The following HS3ST5 variants were observed in gnomAD, a reference collection of about 807,000 sequenced individuals.
HS3ST5 encodes heparan sulfate-glucosamine 3-sulfotransferase 5.
A neutral mutation model predicts 25.4 loss-of-function variants in HS3ST5; 10 were observed. The observed-to-expected ratio is 0.39, with a 90% CI of 0.24 to 0.67. The LOEUF (loss-of-function observed/expected upper bound fraction) is 0.67. Ranked by LOEUF, HS3ST5 falls within the 30% of genes least tolerant of loss-of-function variation. HS3ST5 has a pLI of 0.44. For missense variants in HS3ST5, 324 were observed against 420.7 expected, an observed-to-expected ratio of 0.77 and a Z score of 2.01; for synonymous variants, 170 against 162.4, an observed-to-expected ratio of 1.05 and a Z score of -0.36.
chr6:114,288,679 T>C (rs1201814279), intron 1 of HS3ST5, among the ~76,000 whole-genome samples: 1 of 151,598 alleles, frequency 6.6e-6, no homozygotes, highest in African/African-American at 2.4e-5. Context: ...CTACTAAAGG[T>C]TTCATGAAGA....
At chr6:114,137,056 C>G (rs1352589644) in intron 3 of HS3ST5, among the ~76,000 whole-genome samples, 1 of 151,882 alleles carries the variant, frequency 6.6e-6, no homozygotes, top group African/African-American at 2.4e-5. Context: ...TGTTTTTTTC[C>G]TAAATGGATA....
In HS3ST5 at chr6:114,147,334, T is replaced by C. The variant is rs112565070; in HGVS notation, c.-33+21017A>G. ...TGTGGCCATGTGACTGAATTCTCAC[T>C]GATAGAACGTGAGCTGAAGTGATGT... On this transcript the variant is annotated intron_variant, in intron 3 of 4. Coordinates refer to ENST00000312719, the MANE Select transcript of HS3ST5 (RefSeq NM_153612.4). Among the ~76,000 whole-genome samples the C allele has an allele frequency of 7.5e-4, 114 of 152,292 alleles. 4 individuals carry two copies. Among genetic ancestry groups the C allele is most frequent in the African/African-American group, 2.6e-3 (107 of 41,552 alleles).
intron 1 of HS3ST5, among the ~76,000 whole-genome samples, chr6:114,296,530 T>C (rs1774830565): frequency 6.6e-6 from 1 of 152,220 alleles, no homozygotes; most frequent in South Asian, 2.1e-4. Context: ...AAATTAGTAA[T>C]AGGATTTCTA....
chr6:114,138,796 G>A (rs1777762031), intron 3 of HS3ST5, among the ~76,000 whole-genome samples: 1 of 152,152 alleles, frequency 6.6e-6, no homozygotes, highest in African/African-American at 2.4e-5. Context: ...AAATAATGTG[G>A]ACTGGGTAGC....
At chr6:114,172,617 C>T (rs1779524880) in intron 2 of HS3ST5, among the ~76,000 whole-genome samples, 2 of 152,292 alleles carry the variant, frequency 1.3e-5, no homozygotes, top group Middle Eastern at 3.4e-3. Context: ...TTTCCAGCTA[C>T]CATCTTCCCC....
intron 1 of HS3ST5, among the ~76,000 whole-genome samples, chr6:114,290,594 T>C (rs770333409): frequency 2.8e-4 from 42 of 152,140 alleles, no homozygotes; most frequent in Non-Finnish European, 5.6e-4. Flanking sequence ...TCACCAGCCT[T>C]GTCCTAGGAG....
At chr6:114,139,839 T>G (rs749814342) in intron 3 of HS3ST5, among the ~76,000 whole-genome samples, 10 of 152,220 alleles carry the variant, frequency 6.6e-5, no homozygotes, top group Non-Finnish European at 1.0e-4. Flanking sequence ...AGAAGCCATA[T>G]TTGATTTTAA....
intron 2 of HS3ST5, among the ~76,000 whole-genome samples, chr6:114,204,484 C>T (rs1162468954): frequency 1.3e-5 from 2 of 152,132 alleles, no homozygotes; most frequent in Non-Finnish European, 2.9e-5. Flanking sequence ...TTCATATCTT[C>T]AAAATAATAC....
intron 3 of HS3ST5, among the ~76,000 whole-genome samples, chr6:114,119,906 G>A (rs1313592944): frequency 6.6e-6 from 1 of 152,168 alleles, no homozygotes; most frequent in Non-Finnish European, 1.5e-5. Context: ...CAGCACTTTG[G>A]GAGGCCAAGG....
intron 3 of HS3ST5, among the ~76,000 whole-genome samples, chr6:114,073,553 G>C (rs904493177): frequency 1.3e-5 from 2 of 152,160 alleles, no homozygotes; most frequent in Non-Finnish European, 2.9e-5. Context: ...CGTCATCACT[G>C]GTTATCAGAG....
intron 3 of HS3ST5, among the ~76,000 whole-genome samples, chr6:114,085,509 A>G (rs1200011225): frequency 6.6e-6 from 1 of 152,184 alleles, no homozygotes. Context: ...TCATTCTTAC[A>G]TTGGCAGTAT....
At chr6:114,236,165 T>G (rs1771845443) in intron 1 of HS3ST5, among the ~76,000 whole-genome samples, 1 of 152,204 alleles carries the variant, frequency 6.6e-6, no homozygotes, top group Non-Finnish European at 1.5e-5. Flanking sequence ...TCTGTGGTCC[T>G]ACTATGGGCA....
At chr6:114,086,067 A>T (rs1383471663) in intron 3 of HS3ST5, among the ~76,000 whole-genome samples, 1 of 152,024 alleles carries the variant, frequency 6.6e-6, no homozygotes, top group African/African-American at 2.4e-5. Flanking sequence ...CAGGAAAAAA[A>T]ACGGTTCTAT....
intron 3 of HS3ST5, among the ~76,000 whole-genome samples, chr6:114,162,967 G>A (rs776708380): frequency 2.0e-5 from 3 of 152,068 alleles, no homozygotes; most frequent in Non-Finnish European, 2.9e-5. Context: ...CTTTGAGGGC[G>A]GGGGGTTTTG....
intron 3 of HS3ST5, among the ~76,000 whole-genome samples, chr6:114,125,641 G>T (rs76881765): frequency 2.6e-5 from 4 of 152,278 alleles, no homozygotes; most frequent in Admixed American, 2.0e-4. Context: ...AAGGCACTAA[G>T]ACAACAAACA....
intron 1 of HS3ST5, among the ~76,000 whole-genome samples, chr6:114,293,681 C>A (rs1015348439): frequency 1.3e-5 from 2 of 152,154 alleles, no homozygotes; most frequent in African/African-American, 2.4e-5. Context: ...CATATAAAAT[C>A]ACTCAGTAAG....
intron 1 of HS3ST5, among the ~76,000 whole-genome samples, chr6:114,337,515 A>G (rs946291266): frequency 1.3e-4 from 20 of 152,188 alleles, no homozygotes; most frequent in Non-Finnish European, 2.6e-4. Flanking sequence ...AACTACTTAA[A>G]TATGGCATCG....
chr6:114,215,167 G>A (rs1392822086), intron 2 of HS3ST5, among the ~76,000 whole-genome samples: 1 of 151,986 alleles, frequency 6.6e-6, no homozygotes, highest in African/African-American at 2.4e-5. Context: ...TTAGCCAGGC[G>A]TCGTGGCGGG....
chr6:114,224,699 T>TACACAC (rs71272382), intron 2 of HS3ST5, among the ~76,000 whole-genome samples: 16 of 144,388 alleles, frequency 1.1e-4, no homozygotes, highest in African/African-American at 1.8e-4. Flanking sequence ...TATATATATA[T>TACACAC]ACACACACAC....
Sources: gnomAD v4.1 joint callset for allele counts (sites outside exome capture counted in the v4.1 genomes callset) on GRCh38, gnomAD v4.1.1 for gene constraint, MANE v1.5 for transcripts, NCBI Gene and HGNC (gene_info 2026-07-23, HGNC 2026-07-21) for gene names.